The following AMPH variants were observed in gnomAD, a reference collection of about 807,000 sequenced individuals.
The protein encoded by AMPH is amphiphysin.
AMPH carries 49 observed loss-of-function variants against 99.1 expected under a neutral mutation model. The ratio of observed to expected loss-of-function variants is 0.49; its 90% confidence interval spans 0.39 to 0.63. The LOEUF (loss-of-function observed/expected upper bound fraction) is 0.63. Ranked by LOEUF, AMPH falls within the 20% of genes least tolerant of loss-of-function variation. The probability of loss-of-function intolerance (pLI) is 0.00; values close to 1 mark genes in which losing one functional copy is unlikely to be tolerated. For missense variants in AMPH, 759 were observed against 863.4 expected, an observed-to-expected ratio of 0.88 and a Z score of 1.52; for synonymous variants, 314 against 317.3, an observed-to-expected ratio of 0.99 and a Z score of 0.11.
At chr7:38,494,985 A>C (rs1211824768) in intron 3 of AMPH, among the ~76,000 whole-genome samples, 1 of 152,202 alleles carries the variant, frequency 6.6e-6, no homozygotes, top group African/African-American at 2.4e-5. Flanking sequence ...AGGGCATAAC[A>C]GTCAAAAGTG....
At chr7:38,394,872 A>T (rs531506278) in intron 17 of AMPH, among the ~76,000 whole-genome samples, 188 of 152,250 alleles carry the variant, frequency 1.2e-3, no homozygotes, top group Non-Finnish European at 2.0e-3. Context: ...CCCTCTTTTT[A>T]AAAAAATTAT....
intron 17 of AMPH, among the ~76,000 whole-genome samples, chr7:38,415,373 G>C (rs1311480268): frequency 6.6e-6 from 1 of 152,114 alleles, no homozygotes; most frequent in Non-Finnish European, 1.5e-5. Flanking sequence ...TACCTCAAAA[G>C]GTCATGTCAA....
intron 2 of AMPH, among the ~76,000 whole-genome samples, chr7:38,523,218 TATAA>T (rs1245914860): frequency 6.6e-6 from 1 of 152,090 alleles, no homozygotes; most frequent in Non-Finnish European, 1.5e-5. Flanking sequence ...TGTCTGTGTG[TATAA>T]ATACTTGTAT....
At chr7:38,417,716 A>G in intron 17 of AMPH, 109 bp downstream of exon 17, 1 of 1,403,998 alleles carries the variant, frequency 7.1e-7, no homozygotes. Context: ...ACAGATATGG[A>G]GCATGTTTGG....
chr7:38,486,727 T>C (rs6969918), intron 5 of AMPH, among the ~76,000 whole-genome samples: 5,241 of 152,058 alleles, frequency 0.034, 269 homozygotes, highest in African/African-American at 0.12. Context: ...GGATCACCCA[T>C]CATGACCAAG....
Position 38,541,784 on chromosome 7 carries a change from G to A in AMPH, c.70-6773C>T, listed in dbSNP as rs557550385. 3.9e-5 allele frequency among the ~76,000 whole-genome samples: 6 copies of A among 152,228 alleles called. No individual in the cohort carries two copies. The South Asian group carries it at 1.2e-3, about 32-fold the overall frequency. ...TACATGAGTAGGTTTATCCTAAGTG[G>A]GACAGAGGCAACTGGGAATTAGAAA... is the stretch of plus-strand genomic sequence containing the variant. On this transcript the variant is annotated intron_variant, in intron 1 of 20. Coordinates refer to ENST00000356264, the MANE Select transcript of AMPH (RefSeq NM_001635.4).
chr7:38,594,599 G>T (rs1403677502), intron 1 of AMPH, among the ~76,000 whole-genome samples: 1 of 152,054 alleles, frequency 6.6e-6, no homozygotes, highest in Non-Finnish European at 1.5e-5. Context: ...GAATGGGGTG[G>T]CATCTCTTCC....
intron 1 of AMPH, among the ~76,000 whole-genome samples, chr7:38,594,244 G>A (rs1241579362): frequency 6.6e-6 from 1 of 152,192 alleles, no homozygotes; most frequent in Admixed American, 6.5e-5. Context: ...AGAAAGAAAG[G>A]AGTTTAGAGT....
intron 1 of AMPH, among the ~76,000 whole-genome samples, chr7:38,620,789 G>A (rs140473562): frequency 2.0e-5 from 3 of 152,198 alleles, no homozygotes; most frequent in Non-Finnish European, 4.4e-5. Flanking sequence ...GTTTACTGCT[G>A]TTGTAAAAAA....
chr7:38,532,645 T>C (rs764695188), intron 2 of AMPH, among the ~76,000 whole-genome samples: 5 of 152,154 alleles, frequency 3.3e-5, no homozygotes, highest in African/African-American at 4.8e-5. Context: ...GCACAAATCA[T>C]TCTGCCAATG....
intron 17 of AMPH, among the ~76,000 whole-genome samples, chr7:38,403,031 A>G (rs1784885398): frequency 6.6e-6 from 1 of 151,932 alleles, no homozygotes; most frequent in South Asian, 2.1e-4. Flanking sequence ...TTTTAAAAAA[A>G]TGCTCCAAGG....
At chr7:38,503,313 T>C (rs973205780) in intron 3 of AMPH, among the ~76,000 whole-genome samples, 1 of 152,196 alleles carries the variant, frequency 6.6e-6, no homozygotes, top group Non-Finnish European at 1.5e-5. Flanking sequence ...ACTCTTGGCA[T>C]GTGGTCTCCC....
At chr7:38,432,975 A>G (rs1314265243) in intron 12 of AMPH, among the ~76,000 whole-genome samples, 1 of 152,156 alleles carries the variant, frequency 6.6e-6, no homozygotes, top group African/African-American at 2.4e-5. Context: ...AGCAGGGAAG[A>G]CTTCTCTTTC....
At chr7:38,411,505 T>C (rs1045710603) in intron 17 of AMPH, among the ~76,000 whole-genome samples, 2 of 152,182 alleles carry the variant, frequency 1.3e-5, no homozygotes, top group Non-Finnish European at 2.9e-5. Context: ...TGCAAGGGCC[T>C]TTCTATCGTG....
At chr7:38,558,583 A>T (rs1986521) in intron 1 of AMPH, among the ~76,000 whole-genome samples, 4,724 of 152,284 alleles carry the variant, frequency 0.031, 241 homozygotes, top group African/African-American at 0.11. Context: ...TAATGATGGG[A>T]AGGAGGGAGG....
At chr7:38,566,977 G>A (rs1395693269) in intron 1 of AMPH, among the ~76,000 whole-genome samples, 1 of 152,216 alleles carries the variant, frequency 6.6e-6, no homozygotes, top group African/African-American at 2.4e-5. Context: ...GGAAGACAGT[G>A]TGGCAATTCC....
At chr7:38,421,679 G>A (rs1257599702) in intron 16 of AMPH, among the ~76,000 whole-genome samples, 4 of 152,202 alleles carry the variant, frequency 2.6e-5, no homozygotes, top group Non-Finnish European at 5.9e-5. Context: ...GCTAGGATAA[G>A]TATGCACTAT....
At chr7:38,586,420 C>T (rs1792650758) in intron 1 of AMPH, among the ~76,000 whole-genome samples, 1 of 152,144 alleles carries the variant, frequency 6.6e-6, no homozygotes, top group South Asian at 2.1e-4. Context: ...CCTTGTGGTA[C>T]CAATCACAGA....
intron 2 of AMPH, among the ~76,000 whole-genome samples, chr7:38,518,118 G>T (rs185295645): frequency 1.1e-3 from 175 of 152,304 alleles, no homozygotes; most frequent in African/African-American, 3.9e-3. Context: ...TCAACCCACT[G>T]CTCCACATGT....
Sources: allele counts gnomAD v4.1 joint callset (sites outside exome capture counted in the v4.1 genomes callset), GRCh38; gene constraint gnomAD v4.1.1; transcripts MANE v1.5; gene names NCBI Gene and HGNC (gene_info 2026-07-23, HGNC 2026-07-21).